The following TRIM27 variants were observed in gnomAD, a reference collection of about 807,000 sequenced individuals.
The protein encoded by TRIM27 is zinc finger protein RFP.
Under a neutral mutation model 57.6 loss-of-function variants are expected in TRIM27, and 12 were observed. The ratio of observed to expected loss-of-function variants is 0.21; its 90% confidence interval spans 0.13 to 0.34. TRIM27 has a LOEUF of 0.34. Among genes scored for constraint, TRIM27 ranks in the 10% least tolerant of loss-of-function variants. TRIM27 has a pLI of 1.00. For synonymous variants in TRIM27, 266 were observed against 259.0 expected, an observed-to-expected ratio of 1.03 and a Z score of -0.26; for missense variants, 403 against 656.8, an observed-to-expected ratio of 0.61 and a Z score of 4.22.
At chr6:28,920,642 A>C (rs775543181) in intron 2 of TRIM27, among the ~76,000 whole-genome samples, 20 of 152,148 alleles carry the variant, frequency 1.3e-4, no homozygotes, top group Non-Finnish European at 2.9e-5. Context: ...AGGCAGAAGA[A>C]ATGGCACAGG....
intron 3 of TRIM27, chr6:28,914,994 TC>T (rs1423522142): frequency 1.3e-5 from 2 of 152,058 alleles, no homozygotes; most frequent in African/African-American, 4.8e-5. Flanking sequence ...TTAACTTCTT[TC>T]CCAATTTGTA....
chr6:28,904,077 G>T lies in TRIM27; in HGVS notation c.1535C>A (p.Ser512Tyr). ...TGGCCTGAATTCACCTCCTCAAGGG[G>T]AGGTCTCCATGGAATGACCATGATT... ...VGNHGHSMET[S>Y]P is the part of the protein sequence containing the mutation. Residue 512 changes from serine to tyrosine, a missense_variant, in exon 8 of 8, where the codon TCC (serine) becomes TAC (tyrosine). Coordinates refer to ENST00000377199, the MANE Select transcript of TRIM27 (RefSeq NM_006510.5). This position sits in a 1 kb window ranked among gnomAD's most constrained non-coding sequence, Gnocchi z 6.1. 6.2e-7 allele frequency: 1 copy of T among 1,612,422 alleles called. No individual in the cohort carries two copies. Among genetic ancestry groups the T allele is most frequent in the Non-Finnish European group, 8.5e-7 (1 of 1,179,630 alleles).
In TRIM27 at chr6:28,904,513, T is replaced by A; in HGVS notation, c.1099A>T (p.Ile367Phe). Residue 367 changes from isoleucine (I) to phenylalanine (F), a missense_variant, in exon 8 of 8, where the codon ATC becomes TTC. Physicochemically the swap from Ile to Phe is conservative, Grantham distance 21. Transcript: ENST00000377199. The surrounding 1 kb of genome is among the most constrained non-coding windows in gnomAD (Gnocchi z 6.1). ...FPCVLGSPCF[I>F]AGRHYWEVEV... The stretch of plus-strand genomic sequence containing the variant: ...ACCTCCCAATAATGTCTCCCGGCGA[T>A]GAAGCATGGAGAGCCCAAGACACAG... 1.2e-6 allele frequency: 2 copies of A among 1,612,986 alleles called. No individual in the cohort carries two copies. The highest frequency in any genetic ancestry group is 1.7e-6 in the Non-Finnish European group (2 of 1,180,026).
intron 3 of TRIM27, among the ~76,000 whole-genome samples, chr6:28,913,061 G>C (rs552128871): frequency 1.3e-5 from 2 of 152,142 alleles, no homozygotes; most frequent in African/African-American, 4.8e-5. Flanking sequence ...TTTGGGACCA[G>C]ACTGGCCAAC....
At chr6:28,912,437 T>TA (rs1773275362) in intron 3 of TRIM27, among the ~76,000 whole-genome samples, 1 of 151,728 alleles carries the variant, frequency 6.6e-6, no homozygotes, top group Non-Finnish European at 1.5e-5. Context: ...AAAAGTAGCA[T>TA]ACTCTTGTCA....
chr6:28,920,018 G>A lies in TRIM27; in HGVS notation c.741C>T (p.Leu247=), dbSNP rs1368306671. The stretch of plus-strand genomic sequence containing the variant: ...AGGGCTCTGCAAGCCTTACCTGCAG[G>A]AGCTCCCTGGTGGGCTGCTGCTGCT... ...EEKQQQPTRE[L]LQDIGDTLSR... The change falls in exon 3 of 8, where the codon CTC becomes CTT. Residue 247 remains leucine (L), a synonymous_variant. Coordinates refer to ENST00000377199, the MANE Select transcript of TRIM27 (RefSeq NM_006510.5). The A allele has an allele frequency of 6.2e-7, 1 of 1,612,030 alleles. No individual in the cohort carries two copies. Among genetic ancestry groups the A allele is most frequent in the Admixed American group, 1.7e-5 (1 of 59,990 alleles).
chr6:28,904,262 G>A lies in TRIM27; in HGVS notation c.1350C>T (p.Tyr450=). The change falls in exon 8 of 8, where the codon TAC becomes TAT. Residue 450 remains tyrosine, a synonymous_variant. Transcript: ENST00000377199. The surrounding 1 kb of genome is among the most constrained non-coding windows in gnomAD (Gnocchi z 6.1). ...LDYDAGEVSF[Y]NVTERCHTFT... ...AGGTGTGACACCTCTCTGTCACGTT[G>A]TAGAAGGAGACCTCACCAGCATCAT... 6.2e-7 allele frequency: 1 copy of A among 1,613,146 alleles called. No individual in the cohort carries two copies. The highest frequency in any genetic ancestry group is 8.5e-7 in the Non-Finnish European group (1 of 1,180,038).
Position 28,918,542 on chromosome 6 carries a change from A to G in TRIM27, c.747+1470T>C, listed in dbSNP as rs145530892. Among the ~76,000 whole-genome samples, 578 of 152,294 alleles carry G rather than the reference A, an allele frequency of 3.8e-3. 4 individuals carry two copies. The highest frequency in any genetic ancestry group is 0.013 in the African/African-American group (547 of 41,546). On this transcript the variant is annotated intron_variant, in intron 3 of 7. Coordinates refer to ENST00000377199, the MANE Select transcript of TRIM27 (RefSeq NM_006510.5). ...TTCGTCTCAAAAATAAAAAAAGAAA[A>G]AAAGAAAGAAAGAAATACATTTTTC...
intron 1 of TRIM27, among the ~76,000 whole-genome samples, chr6:28,922,832 G>C (rs557374743): frequency 6.2e-4 from 94 of 152,340 alleles, no homozygotes; most frequent in African/African-American, 2.0e-3. Context: ...ATGGGCATAA[G>C]TCAGTTAACG....
rs1442459927 is a variant in TRIM27, at chr6:28,923,534, A to G, written c.99T>C (p.His33=). Residue 33 remains histidine, a synonymous_variant, in exon 1 of 8, where the codon CAT becomes CAC. Coordinates refer to ENST00000377199, the MANE Select transcript of TRIM27 (RefSeq NM_006510.5). ...FAEPMMLDCG[H]NICCACLARC... is the part of the protein sequence containing the mutation. ...GGGCGAGGCACGCGCAACAGATGTTATGGCCGCAGTCGAGCATCATGGGCT... is the reference window on the plus strand; with the variant it reads ...GGGCGAGGCACGCGCAACAGATGTTGTGGCCGCAGTCGAGCATCATGGGCT... 2.5e-6 allele frequency: 4 copies of G among 1,611,918 alleles called. No homozygotes were observed. The highest frequency in any genetic ancestry group is 3.4e-6 in the Non-Finnish European group (4 of 1,179,598).
intron 3 of TRIM27, among the ~76,000 whole-genome samples, chr6:28,914,023 G>GTTT (rs796375490): frequency 9.0e-6 from 1 of 110,534 alleles, no homozygotes; most frequent in Admixed American, 9.5e-5. Context: ...GCCTACCTAT[G>GTTT]TTTTTTTTTT....
chr6:28,911,681 A>C lies in TRIM27; in HGVS notation c.770+15T>G. The C allele has an allele frequency of 6.2e-7, 1 of 1,610,780 alleles. No homozygotes were observed. The highest frequency in any genetic ancestry group is 8.5e-7 in the Non-Finnish European group (1 of 1,178,982). ...CTCATATTTGATTTAACACTAGGGA[A>C]ACAGAAAACTATACCTGCTCAATGT... On this transcript the variant is annotated intron_variant, in intron 4 of 7. Coordinates refer to ENST00000377199, the MANE Select transcript of TRIM27 (RefSeq NM_006510.5).
intron 3 of TRIM27, among the ~76,000 whole-genome samples, chr6:28,918,422 T>A (rs1773774475): frequency 6.6e-6 from 1 of 152,156 alleles, no homozygotes; most frequent in Non-Finnish European, 1.5e-5. Context: ...CTACCTAAGA[T>A]CACCAATGAT....
In TRIM27 at chr6:28,920,584, G is replaced by C. The variant is rs571274046; in HGVS notation, c.517-342C>G. Among the ~76,000 whole-genome samples, 463 of 152,294 alleles carry C rather than the reference G, an allele frequency of 3.0e-3. 1 individual carries two copies. The highest frequency in any genetic ancestry group is 5.4e-3 in the Non-Finnish European group (370 of 68,034). On this transcript the variant is annotated intron_variant, in intron 2 of 7. Coordinates refer to ENST00000377199, the MANE Select transcript of TRIM27 (RefSeq NM_006510.5). ...AGAAGCAATTTCACACAATGTTCAT[G>C]TGATGAACAAGAATTCACCACATAG... is the stretch of plus-strand genomic sequence containing the variant.
At chr6:28,912,209 G>T (rs535818276) in intron 3 of TRIM27, among the ~76,000 whole-genome samples, 7 of 150,916 alleles carry the variant, frequency 4.6e-5, no homozygotes, top group Non-Finnish European at 1.0e-4. Flanking sequence ...ACCCGGGTTC[G>T]AGCAATTCTC....
intron 4 of TRIM27, 37 bp downstream of exon 4, chr6:28,911,659 A>G (rs1171281695): frequency 3.1e-6 from 5 of 1,602,864 alleles, no homozygotes; most frequent in Non-Finnish European, 4.3e-6. Flanking sequence ...CAGTCTTCTC[A>G]TATTTGATTT....
intron 3 of TRIM27, among the ~76,000 whole-genome samples, chr6:28,918,247 G>T (rs1773761126): frequency 6.6e-6 from 1 of 152,058 alleles, no homozygotes; most frequent in Admixed American, 6.6e-5. Context: ...AACCCTTCCA[G>T]ATAAAACTCC....
intron 6 of TRIM27, 53 bp from the exon 7 acceptor site, chr6:28,907,315 A>C: frequency 1.3e-6 from 2 of 1,574,228 alleles, no homozygotes; most frequent in Non-Finnish European, 1.7e-6. Flanking sequence ...TCCAGGAAAT[A>C]CATAACTAAG....
At chr6:28,922,828 A>C (rs1022299167) in intron 1 of TRIM27, among the ~76,000 whole-genome samples, 1 of 152,252 alleles carries the variant, frequency 6.6e-6, no homozygotes, top group South Asian at 2.1e-4. Flanking sequence ...AGGAATGGGC[A>C]TAAGTCAGTT....
Sources: allele counts gnomAD v4.1 joint callset (sites outside exome capture counted in the v4.1 genomes callset), GRCh38; gene constraint gnomAD v4.1.1; non-coding constraint Gnocchi (gnomAD v3.1); transcripts MANE v1.5; gene names NCBI Gene and HGNC (gene_info 2026-07-23, HGNC 2026-07-21).